Variants in CSMD1 observed in about 807,000 individuals in gnomAD.
CSMD1 encodes the protein CUB and Sushi multiple domains 1.
Under a neutral mutation model 417.5 loss-of-function variants are expected in CSMD1, and 213 were observed. That is an observed-to-expected ratio of 0.51 (90% CI 0.46 to 0.57). The LOEUF is 0.57. Ranked by LOEUF, CSMD1 falls within the 20% of genes least tolerant of loss-of-function variation. The probability of loss-of-function intolerance (pLI) is 0.00; values close to 1 mark genes in which losing one functional copy is unlikely to be tolerated. For synonymous variants in CSMD1, 2,862 were observed against 1,736.8 expected, an observed-to-expected ratio of 1.65 and a Z score of -16.11; for missense variants, 6,923 against 4,529.7, an observed-to-expected ratio of 1.53 and a Z score of -15.17.
chr8:3,451,808 TG>T (rs1441202109), intron 12 of CSMD1, among the ~76,000 whole-genome samples: 1 of 152,218 alleles, frequency 6.6e-6, no homozygotes, highest in Non-Finnish European at 1.5e-5. Flanking sequence ...GGCTCTTTTT[TG>T]GTTCCATATG....
At chr8:3,358,062 G>A (rs796134364) in intron 21 of CSMD1, among the ~76,000 whole-genome samples, 1 of 152,128 alleles carries the variant, frequency 6.6e-6, no homozygotes, top group African/African-American at 2.4e-5. Flanking sequence ...CAGAATCAAA[G>A]AGATTCTGCA....
intron 4 of CSMD1, among the ~76,000 whole-genome samples, chr8:3,999,281 T>G (rs1339806175): frequency 2.6e-5 from 4 of 152,040 alleles, no homozygotes. Context: ...TGGGGGGAGT[T>G]TGCTGTAAGC....
rs758365182 is a variant in CSMD1 at position 4,994,463 on chromosome 8, G to A, written c.-47C>T. 31 of 1,545,076 alleles carry A rather than the reference G, an allele frequency of 2.0e-5. No individual in the cohort carries two copies. In the Admixed American group the frequency reaches 2.4e-4, roughly 12 times the overall value. ...ACGCGACACCGATGGCTCCTCCGAG[G>A]AAGGCAGGGCTATGAGCGGAGCCAA... On this transcript the variant is annotated 5_prime_UTR_variant, in exon 1 of 70. Transcript: ENST00000635120.
chr8:4,336,683 G>A (rs896716653), intron 3 of CSMD1, among the ~76,000 whole-genome samples: 5 of 152,062 alleles, frequency 3.3e-5, no homozygotes, highest in East Asian at 3.9e-4. Context: ...ATAGTCCTTC[G>A]AAGACAAAGT....
intron 3 of CSMD1, among the ~76,000 whole-genome samples, chr8:4,381,270 A>T (rs115228491): frequency 1.3e-5 from 2 of 152,204 alleles, no homozygotes; most frequent in African/African-American, 4.8e-5. Context: ...AAAGGCGTCA[A>T]AACAGCCTTC....
intron 42 of CSMD1, among the ~76,000 whole-genome samples, chr8:3,112,507 T>C (rs1278684616): frequency 6.6e-6 from 1 of 152,230 alleles, no homozygotes; most frequent in East Asian, 1.9e-4. Context: ...TTTATGCCAC[T>C]GAATACCTCT....
intron 5 of CSMD1, among the ~76,000 whole-genome samples, chr8:3,942,930 A>C (rs559366829): frequency 6.6e-6 from 1 of 152,190 alleles, no homozygotes; most frequent in African/African-American, 2.4e-5. Context: ...AATTTAAAAA[A>C]TACTGGCACG....
intron 5 of CSMD1, among the ~76,000 whole-genome samples, chr8:3,806,967 T>A (rs1800774638): frequency 6.6e-6 from 1 of 152,146 alleles, no homozygotes; most frequent in South Asian, 2.1e-4. Flanking sequence ...CTTAATCTGA[T>A]GATTTATTCT....
chr8:3,450,551 A>T (rs778340394), intron 12 of CSMD1, among the ~76,000 whole-genome samples: 1 of 149,614 alleles, frequency 6.7e-6, no homozygotes, highest in Non-Finnish European at 1.5e-5. Context: ...TATCAATGAG[A>T]ACATGCAGTG....
At chr8:4,160,397 A>G (rs1339238146) in intron 3 of CSMD1, among the ~76,000 whole-genome samples, 1 of 152,224 alleles carries the variant, frequency 6.6e-6, no homozygotes, top group Non-Finnish European at 1.5e-5. Flanking sequence ...GTTGACATAT[A>G]TATACGCAAC....
intron 5 of CSMD1, among the ~76,000 whole-genome samples, chr8:3,840,659 G>C (rs1027206222): frequency 1.3e-5 from 2 of 151,418 alleles, no homozygotes. Context: ...AGGATATTGA[G>C]GTCACTATAC....
intron 2 of CSMD1, among the ~76,000 whole-genome samples, chr8:4,586,776 T>C (rs1799721181): frequency 5.3e-5 from 8 of 152,216 alleles, no homozygotes; most frequent in Admixed American, 5.2e-4. Flanking sequence ...GCACTTTCTG[T>C]GCTCCTCCAG....
chr8:3,728,616 G>A (rs1307720740), intron 6 of CSMD1, among the ~76,000 whole-genome samples: 1 of 152,120 alleles, frequency 6.6e-6, no homozygotes, highest in East Asian at 1.9e-4. Flanking sequence ...GGGCATCTGT[G>A]GTAGAGACCA....
At chr8:3,792,561 T>C (rs1336212972) in intron 5 of CSMD1, among the ~76,000 whole-genome samples, 1 of 152,190 alleles carries the variant, frequency 6.6e-6, no homozygotes, top group African/African-American at 2.4e-5. Flanking sequence ...AACTTTGGAA[T>C]TGACTCCTCC....
At chr8:3,996,461 G>A (rs556370037) in intron 5 of CSMD1, among the ~76,000 whole-genome samples, 7 of 151,210 alleles carry the variant, frequency 4.6e-5, no homozygotes, top group South Asian at 2.1e-4. Context: ...TTTTAGCACA[G>A]CCTCTCTTTT....
intron 3 of CSMD1, among the ~76,000 whole-genome samples, chr8:4,171,859 T>C (rs1797781368): frequency 6.6e-6 from 1 of 152,214 alleles, no homozygotes; most frequent in Non-Finnish European, 1.5e-5. Flanking sequence ...TGTGTGATTC[T>C]CTCATTACTT....
At chr8:4,137,988 C>A (rs369062044) in intron 3 of CSMD1, among the ~76,000 whole-genome samples, 1 of 149,962 alleles carries the variant, frequency 6.7e-6, no homozygotes, top group Non-Finnish European at 1.5e-5. Context: ...CGCCATTCTC[C>A]CGCCTCAGCC....
intron 7 of CSMD1, among the ~76,000 whole-genome samples, chr8:3,665,092 G>A (rs1245862476): frequency 6.6e-6 from 1 of 151,998 alleles, no homozygotes; most frequent in African/African-American, 2.4e-5. Flanking sequence ...AACCTAAGAG[G>A]TTAACAATGC....
At chr8:4,724,903 A>G (rs1252296921) in intron 1 of CSMD1, among the ~76,000 whole-genome samples, 1 of 152,134 alleles carries the variant, frequency 6.6e-6, no homozygotes, top group Non-Finnish European at 1.5e-5. Context: ...TGAATGAAAC[A>G]AATCATACAG....
Sources: gnomAD v4.1 joint callset for allele counts (sites outside exome capture counted in the v4.1 genomes callset) on GRCh38, gnomAD v4.1.1 for gene constraint, MANE v1.5 for transcripts, NCBI Gene and HGNC (gene_info 2026-07-23, HGNC 2026-07-21) for gene names.